Variants in PDZRN4 observed in about 807,000 individuals in gnomAD.
The protein encoded by PDZRN4 is PDZ domain-containing RING finger protein 4.
PDZRN4 carries 70 observed loss-of-function variants against 99.0 expected under a neutral mutation model. That is an observed-to-expected ratio of 0.71 (90% CI 0.58 to 0.86). The LOEUF (loss-of-function observed/expected upper bound fraction) is 0.86, where lower values mean the gene tolerates loss of function less well. Among genes scored for constraint, PDZRN4 ranks in the 40% least tolerant of loss-of-function variants. The pLI, the probability that PDZRN4 is intolerant of heterozygous loss-of-function variation, is 0.00. For missense variants in PDZRN4, 1,474 were observed against 1,331.2 expected (o/e 1.11, Z -1.67); for synonymous variants, 551 against 501.6 (o/e 1.10, Z -1.32).
At chr12:41,460,084 A>G (rs1238297367) in intron 3 of PDZRN4, 2 of 1,281,712 alleles carry the variant, frequency 1.6e-6, no homozygotes, top group Admixed American at 2.4e-5. Context: ...AATTTTCCCT[A>G]TTTATATATT....
chr12:41,287,222 C>A (rs1374310739), intron 3 of PDZRN4, among the ~76,000 whole-genome samples: 2 of 152,150 alleles, frequency 1.3e-5, no homozygotes, highest in Non-Finnish European at 2.9e-5. Flanking sequence ...GAGTTCTAAT[C>A]ATGGTTCTGC....
intron 3 of PDZRN4, among the ~76,000 whole-genome samples, chr12:41,398,707 T>C (rs1010266544): frequency 6.6e-6 from 1 of 152,188 alleles, no homozygotes; most frequent in African/African-American, 2.4e-5. Context: ...GCCTATTCAG[T>C]CACCCAGGGG....
intron 5 of PDZRN4, among the ~76,000 whole-genome samples, chr12:41,510,803 G>C (rs936360596): frequency 6.6e-6 from 1 of 152,068 alleles, no homozygotes; most frequent in Non-Finnish European, 1.5e-5. Flanking sequence ...GCAAATGGAC[G>C]TTTGTTTGAA....
At chr12:41,201,873 A>G (rs1031620819) in intron 3 of PDZRN4, among the ~76,000 whole-genome samples, 4 of 152,162 alleles carry the variant, frequency 2.6e-5, no homozygotes, top group African/African-American at 7.2e-5. Context: ...ATCCAAGTCT[A>G]CAAGGCAATG....
chr12:41,366,378 A>G (rs1190593467), intron 3 of PDZRN4, among the ~76,000 whole-genome samples: 1 of 152,116 alleles, frequency 6.6e-6, no homozygotes, highest in Admixed American at 6.6e-5. Flanking sequence ...AGGACAGTGA[A>G]AAACTCCAAT....
intron 3 of PDZRN4, among the ~76,000 whole-genome samples, chr12:41,414,394 C>T (rs192916903): frequency 6.6e-6 from 1 of 152,184 alleles, no homozygotes; most frequent in East Asian, 1.9e-4. Flanking sequence ...GAATTGGTTC[C>T]TCAAATATGT....
At chr12:41,199,617 CA>C (rs1950801641) in intron 3 of PDZRN4, among the ~76,000 whole-genome samples, 1 of 152,140 alleles carries the variant, frequency 6.6e-6, no homozygotes, top group African/African-American at 2.4e-5. Flanking sequence ...ATGTGTCCAT[CA>C]GTGAATGATT....
chr12:41,554,660 T>C (rs1206831484), intron 6 of PDZRN4, among the ~76,000 whole-genome samples: 1 of 152,118 alleles, frequency 6.6e-6, no homozygotes, highest in Non-Finnish European at 1.5e-5. Context: ...CAGTGAACTG[T>C]AAGTCATCAC....
intron 3 of PDZRN4, among the ~76,000 whole-genome samples, chr12:41,407,281 T>G (rs1592047662): frequency 6.6e-6 from 1 of 152,256 alleles, no homozygotes; most frequent in East Asian, 1.9e-4. Flanking sequence ...ACCCTTCCTT[T>G]CTTTATAAGA....
chr12:41,253,074 G>T (rs866248986), intron 3 of PDZRN4, among the ~76,000 whole-genome samples: 1 of 151,990 alleles, frequency 6.6e-6, no homozygotes, highest in Non-Finnish European at 1.5e-5. Flanking sequence ...CATTAATGTC[G>T]GTATTGAATT....
intron 3 of PDZRN4, among the ~76,000 whole-genome samples, chr12:41,497,520 G>A (rs1938030846): frequency 6.6e-6 from 1 of 152,114 alleles, no homozygotes. Context: ...TCAGTAAGTA[G>A]TTGTTAGCCA....
At chr12:41,318,467 C>T (rs1247393391) in intron 3 of PDZRN4, among the ~76,000 whole-genome samples, 1 of 152,140 alleles carries the variant, frequency 6.6e-6, no homozygotes, top group Non-Finnish European at 1.5e-5. Context: ...TCCCAACACC[C>T]AGAGACAAAT....
chr12:41,563,663 T>A lies in PDZRN4; in HGVS notation c.1467+14T>A. 1 of 1,569,710 alleles carries A rather than the reference T, an allele frequency of 6.4e-7. No homozygotes were observed. Among genetic ancestry groups the A allele is most frequent in the Non-Finnish European group, 8.8e-7 (1 of 1,142,110 alleles). On this transcript the variant is annotated intron_variant, in intron 8 of 9. Coordinates refer to ENST00000402685, the MANE Select transcript of PDZRN4 (RefSeq NM_001164595.2). ...CCAGAGATTCAGGTCAGAACAGAGA[T>A]CAAAAGCCTTGAGACTGAACTTTAT... is the stretch of plus-strand genomic sequence containing the variant.
At chr12:41,523,682 G>C (rs369109576) in intron 5 of PDZRN4, among the ~76,000 whole-genome samples, 1 of 152,112 alleles carries the variant, frequency 6.6e-6, no homozygotes, top group African/African-American at 2.4e-5. Context: ...GATGAAGATA[G>C]TGTTAGGAAG....
At chr12:41,376,354 G>C (rs901259316) in intron 3 of PDZRN4, among the ~76,000 whole-genome samples, 26 of 152,182 alleles carry the variant, frequency 1.7e-4, no homozygotes, top group African/African-American at 5.8e-4. Flanking sequence ...CAATGCACAA[G>C]GGTTCCCTTT....
At chr12:41,450,105 A>G (rs1175148751) in intron 3 of PDZRN4, among the ~76,000 whole-genome samples, 5 of 152,152 alleles carry the variant, frequency 3.3e-5, no homozygotes. Context: ...TAAGAAAACC[A>G]TGAGAATCAT....
intron 3 of PDZRN4, among the ~76,000 whole-genome samples, chr12:41,413,239 A>G (rs142713317): frequency 5.3e-5 from 8 of 152,360 alleles, no homozygotes; most frequent in Non-Finnish European, 7.3e-5. Flanking sequence ...ACTGGAAGAC[A>G]TGATATTGAG....
chr12:41,372,224 C>T (rs1216141748), intron 3 of PDZRN4, among the ~76,000 whole-genome samples: 1 of 152,056 alleles, frequency 6.6e-6, no homozygotes, highest in Non-Finnish European at 1.5e-5. Context: ...TACAGTGTGG[C>T]CCAGCCTTGT....
chr12:41,462,686 A>G (rs561006278), intron 3 of PDZRN4, among the ~76,000 whole-genome samples: 1 of 152,340 alleles, frequency 6.6e-6, no homozygotes, highest in East Asian at 1.9e-4. Context: ...ATCAAGTTTA[A>G]AAAATGTGAA....
Sources: allele counts gnomAD v4.1 joint callset (sites outside exome capture counted in the v4.1 genomes callset), GRCh38; gene constraint gnomAD v4.1.1; transcripts MANE v1.5; gene names NCBI Gene and HGNC (gene_info 2026-07-23, HGNC 2026-07-21).